The following MYO5B variants were observed in gnomAD, a reference collection of about 807,000 sequenced individuals.
MYO5B encodes the protein unconventional myosin-Vb.
A neutral mutation model predicts 229.3 loss-of-function variants in MYO5B; 143 were observed. That is an observed-to-expected ratio of 0.62 (90% CI 0.54 to 0.72). The LOEUF (loss-of-function observed/expected upper bound fraction) is 0.72. Among genes scored for constraint, MYO5B ranks in the 30% least tolerant of loss-of-function variants. MYO5B has a pLI of 0.00. For synonymous variants in MYO5B, 918 were observed against 885.2 expected (o/e 1.04, Z -0.66); for missense variants, 2,321 against 2,331.0 (o/e 1.00, Z 0.09).
intron 4 of MYO5B, among the ~76,000 whole-genome samples, chr18:50,024,122 T>C (rs1179905888): frequency 6.6e-6 from 1 of 152,162 alleles, no homozygotes; most frequent in Non-Finnish European, 1.5e-5. Flanking sequence ...TGGATTAATA[T>C]GTGCAATGAC....
intron 1 of MYO5B, among the ~76,000 whole-genome samples, chr18:50,143,877 T>C (rs2032458022): frequency 6.6e-6 from 1 of 152,164 alleles, no homozygotes; most frequent in Non-Finnish European, 1.5e-5. Flanking sequence ...GCCCTATTCG[T>C]TGCTCTCACA....
chr18:49,974,779 T>TCACACACACACACACACACA (rs111420791), intron 9 of MYO5B, among the ~76,000 whole-genome samples, 164 bp from the exon 10 acceptor site: 82 of 116,990 alleles, frequency 7.0e-4, no homozygotes, highest in African/African-American at 1.5e-3. Flanking sequence ...GCAGTCTCTC[T>TCACACACACACACACACACA]CACACACACA....
At chr18:49,997,289 A>T (rs2025998729) in intron 5 of MYO5B, among the ~76,000 whole-genome samples, 1 of 104,354 alleles carries the variant, frequency 9.6e-6, no homozygotes, top group Non-Finnish European at 2.1e-5. Context: ...AAAAAAAAAA[A>T]AAAAAAAAGC....
intron 4 of MYO5B, among the ~76,000 whole-genome samples, chr18:50,029,748 T>C (rs997891731): frequency 2.0e-5 from 3 of 150,344 alleles, no homozygotes; most frequent in Non-Finnish European, 3.0e-5. Flanking sequence ...CCCCTCAAAG[T>C]GTGAAGATGC....
intron 5 of MYO5B, among the ~76,000 whole-genome samples, chr18:50,000,034 T>C (rs1456946630): frequency 6.6e-6 from 1 of 152,254 alleles, no homozygotes. Context: ...TCCTGTTACT[T>C]AGCAGAGAAT....
At chr18:50,127,529 C>A (rs2032184636) in intron 1 of MYO5B, among the ~76,000 whole-genome samples, 3 of 152,172 alleles carry the variant, frequency 2.0e-5, no homozygotes, top group Admixed American at 2.0e-4. Context: ...TGAAAGAGAA[C>A]AATGGAGGGG....
chr18:49,944,266 G>A (rs985288342), intron 14 of MYO5B, among the ~76,000 whole-genome samples: 18 of 152,212 alleles, frequency 1.2e-4, no homozygotes, highest in Admixed American at 6.5e-4. Flanking sequence ...AGAGCTGTAC[G>A]TAGCATAGTC....
chr18:49,954,582 T>A (rs2025470508), intron 12 of MYO5B, 147 bp from the exon 13 acceptor site: 1 of 1,099,614 alleles, frequency 9.1e-7, no homozygotes, highest in Non-Finnish European at 1.4e-6. Context: ...GTGCAAAGAA[T>A]GATTCAACCA....
intron 17 of MYO5B, among the ~76,000 whole-genome samples, chr18:49,914,559 C>T (rs1168911432): frequency 6.6e-6 from 1 of 151,948 alleles, no homozygotes. Context: ...GCGGGTGGAT[C>T]ACTTGAGGTC....
At chr18:50,168,672 CT>C (rs1287399294) in intron 1 of MYO5B, among the ~76,000 whole-genome samples, 1 of 64,408 alleles carries the variant, frequency 1.6e-5, no homozygotes, top group Non-Finnish European at 3.2e-5. Context: ...ACCACGACCC[CT>C]AACCAGGTCT....
intron 1 of MYO5B, among the ~76,000 whole-genome samples, chr18:50,178,550 G>C (rs1407959829): frequency 2.0e-5 from 3 of 152,212 alleles, no homozygotes; most frequent in Non-Finnish European, 4.4e-5. Flanking sequence ...TTAAATTCCA[G>C]TGTTAAGCCA....
chr18:49,910,980 G>A (rs1197863589), intron 18 of MYO5B, among the ~76,000 whole-genome samples: 1 of 152,198 alleles, frequency 6.6e-6, no homozygotes, highest in Non-Finnish European at 1.5e-5. Flanking sequence ...GGCCCCAATA[G>A]CTCCGCTTCT....
intron 18 of MYO5B, among the ~76,000 whole-genome samples, chr18:49,910,687 C>A (rs1025708713): frequency 6.6e-6 from 1 of 152,120 alleles, no homozygotes; most frequent in Non-Finnish European, 1.5e-5. Flanking sequence ...TATAGCTAGA[C>A]TTGAGCAGCT....
intron 1 of MYO5B, among the ~76,000 whole-genome samples, chr18:50,138,540 A>G (rs1320228330): frequency 6.6e-6 from 1 of 152,094 alleles, no homozygotes; most frequent in Non-Finnish European, 1.5e-5. Context: ...AATTGCTCTG[A>G]TTCCATTTAG....
At chr18:50,001,555 A>T in intron 4 of MYO5B, 144 bp from the exon 5 acceptor site, 1 of 1,046,424 alleles carries the variant, frequency 9.6e-7, no homozygotes, top group East Asian at 2.4e-5. Context: ...GTGTAAAAAT[A>T]GTCTGCCCTC....
At chr18:50,029,714 C>T (rs2026367537) in intron 4 of MYO5B, among the ~76,000 whole-genome samples, 1 of 152,196 alleles carries the variant, frequency 6.6e-6, no homozygotes, top group Non-Finnish European at 1.5e-5. Context: ...GATCCAAGTT[C>T]CTCTCAGAAG....
chr18:50,102,793 C>G (rs569633226), intron 1 of MYO5B, among the ~76,000 whole-genome samples: 18 of 152,098 alleles, frequency 1.2e-4, no homozygotes, highest in Non-Finnish European at 2.6e-4. Flanking sequence ...TCCCAAAACC[C>G]CCCAGGCCAA....
At chr18:49,946,712 T>C (rs2025377357) in intron 14 of MYO5B, among the ~76,000 whole-genome samples, 1 of 152,188 alleles carries the variant, frequency 6.6e-6, no homozygotes, top group Admixed American at 6.5e-5. Context: ...AATTTGTATG[T>C]TATTTGAAAA....
intron 35 of MYO5B, 29 bp from the exon 36 acceptor site, chr18:49,839,323 G>A (rs753382886): frequency 4.3e-6 from 7 of 1,610,432 alleles, no homozygotes; most frequent in Non-Finnish European, 5.9e-6. Context: ...GCACTACTGA[G>A]TTCTCTGGTC....
Sources: allele counts gnomAD v4.1 joint callset (sites outside exome capture counted in the v4.1 genomes callset), GRCh38; gene constraint gnomAD v4.1.1; transcripts MANE v1.5; gene names NCBI Gene and HGNC (gene_info 2026-07-23, HGNC 2026-07-21).